Variants in PLXNA4 observed in about 807,000 individuals in gnomAD.
PLXNA4 encodes plexin-A4.
A neutral mutation model predicts 191.8 loss-of-function variants in PLXNA4; 44 were observed. That is an observed-to-expected ratio of 0.23 (90% confidence interval 0.18 to 0.29). PLXNA4 has a LOEUF of 0.29. PLXNA4 is among the 10% of genes least tolerant of loss of function. The probability of loss-of-function intolerance (pLI) is 1.00; values close to 1 mark genes in which losing one functional copy is unlikely to be tolerated. For synonymous variants in PLXNA4, 1,082 were observed against 1,009.5 expected, an observed-to-expected ratio of 1.07 and a Z score of -1.36; for missense variants, 1,800 against 2,488.8, an observed-to-expected ratio of 0.72 and a Z score of 5.89.
intron 1 of PLXNA4, among the ~76,000 whole-genome samples, chr7:132,512,078 T>G (rs2116291343): frequency 6.6e-6 from 1 of 152,362 alleles, no homozygotes; most frequent in African/African-American, 2.4e-5. Flanking sequence ...GGGCACCATA[T>G]GCTCTGCCGG....
chr7:132,144,876 T>G (rs932157190), intron 29 of PLXNA4, among the ~76,000 whole-genome samples: 10 of 152,296 alleles, frequency 6.6e-5, no homozygotes, highest in African/African-American at 1.4e-4. Flanking sequence ...GTTAACTGAC[T>G]AAGTGATAGG....
At chr7:132,498,530 A>G (rs186864429) in intron 2 of PLXNA4, among the ~76,000 whole-genome samples, 33 of 152,278 alleles carry the variant, frequency 2.2e-4, no homozygotes, top group Non-Finnish European at 5.9e-5. Context: ...CCATGATTCA[A>G]TTACCTCCCA....
At chr7:132,390,471 C>G (rs1353828440) in intron 3 of PLXNA4, among the ~76,000 whole-genome samples, 1 of 151,972 alleles carries the variant, frequency 6.6e-6, no homozygotes, top group South Asian at 2.1e-4. Flanking sequence ...ATGTAGATGA[C>G]CGGTTGATGA....
intron 1 of PLXNA4, among the ~76,000 whole-genome samples, chr7:132,567,633 A>C (rs1187229614): frequency 2.0e-5 from 3 of 151,984 alleles, no homozygotes; most frequent in Non-Finnish European, 2.9e-5. Flanking sequence ...TATTCCTTCT[A>C]TTTTTACAGC....
At chr7:132,381,112 A>C (rs1408848232) in intron 3 of PLXNA4, among the ~76,000 whole-genome samples, 1 of 152,254 alleles carries the variant, frequency 6.6e-6, no homozygotes, top group East Asian at 1.9e-4. Context: ...CAGGATTCCA[A>C]GCACTCTGCT....
At chr7:132,247,632 C>G (rs189278650) in intron 4 of PLXNA4, among the ~76,000 whole-genome samples, 1 of 152,158 alleles carries the variant, frequency 6.6e-6, no homozygotes. Flanking sequence ...GGGAGCTCCT[C>G]AAAGCATCTC....
chr7:132,478,078 A>G (rs540711332), intron 3 of PLXNA4, among the ~76,000 whole-genome samples: 1 of 152,276 alleles, frequency 6.6e-6, no homozygotes, highest in Non-Finnish European at 1.5e-5. Context: ...GGCCCTTCCT[A>G]GGTCACAGAG....
Position 132,130,370 on chromosome 7 carries a change from AG to A in PLXNA4, c.*108del. The A allele has an allele frequency of 1.4e-6, 2 of 1,470,460 alleles. No individual in the cohort carries two copies. The highest frequency in any genetic ancestry group is 1.9e-6 in the Non-Finnish European group (2 of 1,058,386). The allele number at this position is 1,470,460 out of a possible 1,614,324, so 91.1% of individuals were successfully genotyped here. Reference sequence around the variant, plus strand: ...GAAAGAGAGAGAAACAGCGCTGCTCAGGGGATGCTGCTGATGCCAGTCGGAA... The same window carrying A: ...GAAAGAGAGAGAAACAGCGCTGCTCAGGGATGCTGCTGATGCCAGTCGGAA... On this transcript the variant is annotated 3_prime_UTR_variant, in exon 32 of 32. Coordinates refer to ENST00000321063, the MANE Select transcript of PLXNA4 (RefSeq NM_020911.2).
chr7:132,474,725 C>T (rs1243360000), intron 3 of PLXNA4, among the ~76,000 whole-genome samples: 2 of 152,180 alleles, frequency 1.3e-5, no homozygotes, highest in African/African-American at 2.4e-5. Flanking sequence ...CCTGCAGAGC[C>T]CCACCTCTGG....
intron 3 of PLXNA4, among the ~76,000 whole-genome samples, chr7:132,375,491 C>G (rs1310061464): frequency 6.6e-6 from 1 of 152,158 alleles, no homozygotes; most frequent in Non-Finnish European, 1.5e-5. Context: ...ACTGGAGACC[C>G]AAAGACAAAC....
At chr7:132,482,355 A>C (rs1725161727) in intron 3 of PLXNA4, among the ~76,000 whole-genome samples, 1 of 152,226 alleles carries the variant, frequency 6.6e-6, no homozygotes, top group South Asian at 2.1e-4. Flanking sequence ...CTTGTTGTGC[A>C]CGTGGCCTCA....
chr7:132,367,252 G>A (rs1277937365), intron 3 of PLXNA4, among the ~76,000 whole-genome samples: 1 of 152,220 alleles, frequency 6.6e-6, no homozygotes, highest in Non-Finnish European at 1.5e-5. Context: ...GGGCTGGGCT[G>A]TGGTGGCCAC....
At chr7:132,203,968 G>A (rs906234035) in intron 10 of PLXNA4, among the ~76,000 whole-genome samples, 1 of 152,154 alleles carries the variant, frequency 6.6e-6, no homozygotes, top group Non-Finnish European at 1.5e-5. Context: ...AAGAAATGAA[G>A]GAGCTACACC....
chr7:132,256,961 T>C (rs1799454569), intron 4 of PLXNA4, among the ~76,000 whole-genome samples: 1 of 152,206 alleles, frequency 6.6e-6, no homozygotes, highest in African/African-American at 2.4e-5. Context: ...TTCACAGCCA[T>C]GGTTGCCTAT....
At chr7:132,383,667 A>T (rs1804992140) in intron 3 of PLXNA4, 2 of 982,128 alleles carry the variant, frequency 2.0e-6, no homozygotes, top group Non-Finnish European at 2.4e-6. Flanking sequence ...TCTCCTATAA[A>T]TGAGTGTATA....
At chr7:132,208,809 C>A (rs1431200806) in intron 10 of PLXNA4, among the ~76,000 whole-genome samples, 1 of 152,182 alleles carries the variant, frequency 6.6e-6, no homozygotes, top group Non-Finnish European at 1.5e-5. Flanking sequence ...ATGGTGCCAG[C>A]TCCAGGTACC....
intron 2 of PLXNA4, among the ~76,000 whole-genome samples, chr7:132,612,721 T>C (rs1803076552): frequency 6.6e-6 from 1 of 150,624 alleles, no homozygotes. Flanking sequence ...TCAGCACTAC[T>C]GACATTTTGT....
chr7:132,429,402 G>GGTA (rs1404984431), intron 3 of PLXNA4, among the ~76,000 whole-genome samples: 1 of 126,244 alleles, frequency 7.9e-6, no homozygotes. Flanking sequence ...GGAAGGGTCA[G>GGTA]ATAAATAGTT....
At chr7:132,466,474 T>C (rs1269687629) in intron 3 of PLXNA4, among the ~76,000 whole-genome samples, 1 of 152,252 alleles carries the variant, frequency 6.6e-6, no homozygotes, top group Non-Finnish European at 1.5e-5. Context: ...AGGGCTGTTC[T>C]GAGGGTTGAA....
Sources: allele counts gnomAD v4.1 joint callset (sites outside exome capture counted in the v4.1 genomes callset), GRCh38; gene constraint gnomAD v4.1.1; transcripts MANE v1.5; gene names NCBI Gene and HGNC (gene_info 2026-07-23, HGNC 2026-07-21).